Variants in KIF6 observed in about 807,000 individuals in gnomAD.
The protein encoded by KIF6 is kinesin-like protein KIF6.
A neutral mutation model predicts 112.7 loss-of-function variants in KIF6; 106 were observed. The observed-to-expected ratio is 0.94, with a 90% CI of 0.80 to 1.11. KIF6 has a LOEUF of 1.11. KIF6 is among the 50% of genes least tolerant of loss of function. The probability of loss-of-function intolerance (pLI) is 0.00; values close to 1 mark genes in which losing one functional copy is unlikely to be tolerated. For missense variants in KIF6, 929 were observed against 964.0 expected, an observed-to-expected ratio of 0.96 and a Z score of 0.48; for synonymous variants, 339 against 339.9, an observed-to-expected ratio of 1.00 and a Z score of 0.03.
At chr6:39,408,190 C>T (rs193129182) in intron 15 of KIF6, among the ~76,000 whole-genome samples, 1 of 152,206 alleles carries the variant, frequency 6.6e-6, no homozygotes, top group African/African-American at 2.4e-5. Flanking sequence ...ATTTTGCTCT[C>T]CAAATGGCAA....
chr6:39,415,865 T>A (rs553167249), intron 15 of KIF6, among the ~76,000 whole-genome samples: 87 of 152,118 alleles, frequency 5.7e-4, no homozygotes, highest in African/African-American at 2.0e-3. Context: ...GGGGGGTTCT[T>A]TGAATTTGGA....
chr6:39,575,943 T>A (rs1561827396), intron 10 of KIF6, among the ~76,000 whole-genome samples: 1 of 152,162 alleles, frequency 6.6e-6, no homozygotes, highest in Non-Finnish European at 1.5e-5. Flanking sequence ...GGCTTCCTGT[T>A]TTTAGGTATG....
rs570500425 is a variant in KIF6, at chr6:39,622,854, A to C, written c.510-9536T>G. ...GCATGATGACTAAAGCTGCCCACTA[A>C]GAATGGCTGTGCAGAATGATGGAAG... On this transcript the variant is annotated intron_variant, in intron 5 of 22. Transcript: ENST00000287152. Among the ~76,000 whole-genome samples the C allele has an allele frequency of 9.2e-5, 14 of 152,340 alleles. 1 individual carries two copies. Among genetic ancestry groups the C allele is most frequent in the African/African-American group, 3.1e-4 (13 of 41,578 alleles).
At chr6:39,498,446 A>T (rs773048086) in intron 13 of KIF6, among the ~76,000 whole-genome samples, 1 of 152,234 alleles carries the variant, frequency 6.6e-6, no homozygotes, top group Non-Finnish European at 1.5e-5. Flanking sequence ...CTATAACAGA[A>T]AAAAGAAGGG....
intron 10 of KIF6, among the ~76,000 whole-genome samples, chr6:39,570,285 G>A (rs1780572199): frequency 6.6e-6 from 1 of 152,158 alleles, no homozygotes; most frequent in Non-Finnish European, 1.5e-5. Flanking sequence ...GACTGATGGA[G>A]GATACAGTGG....
intron 5 of KIF6, among the ~76,000 whole-genome samples, chr6:39,633,289 G>A (rs773623028): frequency 1.3e-5 from 2 of 152,064 alleles, no homozygotes; most frequent in Non-Finnish European, 2.9e-5. Flanking sequence ...CCTAACAATG[G>A]GAAGAGCTAG....
chr6:39,466,657 CT>C (rs1302471769), intron 13 of KIF6, among the ~76,000 whole-genome samples: 1 of 152,086 alleles, frequency 6.6e-6, no homozygotes, highest in South Asian at 2.1e-4. Flanking sequence ...TCCACTCCCC[CT>C]AGCTCCCAGT....
intron 13 of KIF6, among the ~76,000 whole-genome samples, chr6:39,539,229 A>T (rs933401631): frequency 5.3e-5 from 8 of 152,014 alleles, no homozygotes; most frequent in South Asian, 2.1e-4. Context: ...ATAATAAAAT[A>T]AAATTAAAAA....
At chr6:39,471,907 A>G (rs1333600980) in intron 13 of KIF6, among the ~76,000 whole-genome samples, 5 of 152,190 alleles carry the variant, frequency 3.3e-5, no homozygotes, top group Admixed American at 6.5e-5. Context: ...CCATTTTTAA[A>G]TGAAGCCATT....
chr6:39,399,598 A>G, intron 15 of KIF6, among the ~76,000 whole-genome samples: 1 of 152,228 alleles, frequency 6.6e-6, no homozygotes, highest in East Asian at 1.9e-4. Context: ...ACTGCTATAA[A>G]CTATCTTGTG....
In KIF6 at chr6:39,540,029, C is replaced by T; in HGVS notation, c.1619G>A (p.Arg540Lys). 6.2e-7 allele frequency: 1 copy of T among 1,606,014 alleles called. No individual in the cohort carries two copies. The highest frequency in any genetic ancestry group is 8.5e-7 in the Non-Finnish European group (1 of 1,177,458). Residue 540 changes from arginine to lysine, a missense_variant, in exon 13 of 23, where the codon AGA (arginine) becomes AAA (lysine). Physicochemically the swap from Arg to Lys is conservative, Grantham distance 26. Coordinates refer to ENST00000287152, the MANE Select transcript of KIF6 (RefSeq NM_145027.6). ...TATTTTCTTGTGGAGCAAACTGGAT[C>T]TTTTCCCCAAAATGCTGAAGTCCTG... ...QAQDFSILGK[R>K]SSLLHKKIGM...
At chr6:39,677,507 T>TTATATTTA (rs71543968) in intron 3 of KIF6, among the ~76,000 whole-genome samples, 4 of 146,084 alleles carry the variant, frequency 2.7e-5, no homozygotes, top group Admixed American at 1.4e-4. Context: ...CTTCAGACAA[T>TTATATTTA]TTTATTTATT....
chr6:39,547,484 A>T (rs867367486), intron 10 of KIF6, among the ~76,000 whole-genome samples: 6 of 152,198 alleles, frequency 3.9e-5, no homozygotes, highest in Non-Finnish European at 7.3e-5. Flanking sequence ...CATGTTTATG[A>T]ACAAAATTCC....
intron 3 of KIF6, among the ~76,000 whole-genome samples, chr6:39,663,709 G>C (rs539131343): frequency 2.7e-4 from 41 of 152,130 alleles, no homozygotes; most frequent in African/African-American, 8.9e-4. Context: ...GAATTACAAG[G>C]AGCAGTAAGT....
intron 3 of KIF6, among the ~76,000 whole-genome samples, chr6:39,673,286 A>AG (rs1322915784): frequency 6.6e-6 from 1 of 152,210 alleles, no homozygotes; most frequent in African/African-American, 2.4e-5. Context: ...TAATGGAAGC[A>AG]GGCCCTACAT....
chr6:39,556,974 AT>A (rs1168611384), intron 10 of KIF6, among the ~76,000 whole-genome samples: 1 of 151,928 alleles, frequency 6.6e-6, no homozygotes, highest in Non-Finnish European at 1.5e-5. Flanking sequence ...AGAAATATAC[AT>A]TTTTTTCAGC....
intron 13 of KIF6, among the ~76,000 whole-genome samples, chr6:39,524,848 T>G (rs1777614041): frequency 6.6e-6 from 1 of 152,158 alleles, no homozygotes; most frequent in Non-Finnish European, 1.5e-5. Flanking sequence ...AGCTCAGACT[T>G]TGCTCCCCCA....
At chr6:39,432,031 C>T (rs1185922549) in intron 13 of KIF6, among the ~76,000 whole-genome samples, 1 of 152,004 alleles carries the variant, frequency 6.6e-6, no homozygotes, top group Non-Finnish European at 1.5e-5. Flanking sequence ...CCTCCAGTAA[C>T]TCTACCTCCG....
At chr6:39,576,016 C>G (rs1006261141) in intron 10 of KIF6, among the ~76,000 whole-genome samples, 1 of 152,170 alleles carries the variant, frequency 6.6e-6, no homozygotes, top group Non-Finnish European at 1.5e-5. Context: ...ATAGAGGGAA[C>G]CTGCAGCACA....
Sources: gnomAD v4.1 joint callset for allele counts (sites outside exome capture counted in the v4.1 genomes callset) on GRCh38, gnomAD v4.1.1 for gene constraint, MANE v1.5 for transcripts, NCBI Gene and HGNC (gene_info 2026-07-23, HGNC 2026-07-21) for gene names.